The following FHIT variants were observed in gnomAD, a reference collection of about 807,000 sequenced individuals.
The protein encoded by FHIT is fragile histidine triad diadenosine triphosphatase.
Under a neutral mutation model 17.9 loss-of-function variants are expected in FHIT, and 19 were observed. That is an observed-to-expected ratio of 1.06 (90% CI 0.74 to 1.56). The LOEUF (loss-of-function observed/expected upper bound fraction) is 1.56, where lower values mean the gene tolerates loss of function less well. Among genes scored for constraint, FHIT ranks in the 40% most tolerant of loss-of-function variants. The pLI is 0.00. For missense variants in FHIT, 248 were observed against 189.2 expected, an observed-to-expected ratio of 1.31 and a Z score of -1.82; for synonymous variants, 81 against 69.7, an observed-to-expected ratio of 1.16 and a Z score of -0.81.
chr3:60,550,888 C>G (rs990200800), intron 4 of FHIT, among the ~76,000 whole-genome samples: 1 of 152,036 alleles, frequency 6.6e-6, no homozygotes, highest in Non-Finnish European at 1.5e-5. Context: ...ACAAGCCAGT[C>G]AACAAGGAAA....
rs750663023 is a variant in FHIT at position 60,011,440 on chromosome 3, G to A, written c.250-40C>T. ...AAACCAACAGAGGTGAGAATAGATA[G>A]ATGGTATCTCCTGCTTATTCAGAAA... On this transcript the variant is annotated intron_variant, in intron 6 of 9. Coordinates refer to ENST00000492590, the MANE Select transcript of FHIT (RefSeq NM_002012.4). 1.9e-6 allele frequency: 3 copies of A among 1,544,722 alleles called. No homozygotes were observed. The South Asian group carries it at 3.3e-5, about 17-fold the overall frequency.
At chr3:60,775,468 T>G (rs1700189700) in intron 4 of FHIT, among the ~76,000 whole-genome samples, 1 of 152,122 alleles carries the variant, frequency 6.6e-6, no homozygotes, top group East Asian at 1.9e-4. Flanking sequence ...TATCAGGGAC[T>G]CAAGCCTTGG....
At chr3:60,296,874 G>C (rs1316848073) in intron 5 of FHIT, among the ~76,000 whole-genome samples, 2 of 143,726 alleles carry the variant, frequency 1.4e-5, no homozygotes, top group Non-Finnish European at 3.0e-5. Flanking sequence ...TGTACAATTT[G>C]TTGAAAAGTC....
rs367652771 is a variant in FHIT at position 60,383,906 on chromosome 3, CA to C, written c.103+152953del. Among the ~76,000 whole-genome samples the C allele has an allele frequency of 8.6e-3, 1,303 of 152,172 alleles. 24 individuals are homozygous for C. Among genetic ancestry groups the C allele is most frequent in the African/African-American group, 0.03 (1,259 of 41,542 alleles). Reference sequence around the variant, plus strand: ...AAAAGACATATTAATTGCAAAAAAGCAAAAACATGACCATCTTTACAGTGCT... The same window carrying C: ...AAAAGACATATTAATTGCAAAAAAGCAAAACATGACCATCTTTACAGTGCT... On this transcript the variant is annotated intron_variant, in intron 5 of 9. Coordinates refer to ENST00000492590, the MANE Select transcript of FHIT (RefSeq NM_002012.4).
intron 5 of FHIT, among the ~76,000 whole-genome samples, chr3:60,502,821 G>C (rs2107526944): frequency 6.6e-6 from 1 of 152,234 alleles, no homozygotes; most frequent in African/African-American, 2.4e-5. Flanking sequence ...TATCAAAAAT[G>C]CTATTATAAA....
intron 8 of FHIT, among the ~76,000 whole-genome samples, chr3:59,810,692 A>G (rs1392501911): frequency 1.3e-5 from 2 of 152,058 alleles, no homozygotes; most frequent in African/African-American, 4.8e-5. Flanking sequence ...ATTTTATAAC[A>G]CCTCCTTTAT....
At chr3:60,602,478 T>C (rs776639878) in intron 4 of FHIT, among the ~76,000 whole-genome samples, 51 of 151,778 alleles carry the variant, frequency 3.4e-4, no homozygotes, top group Non-Finnish European at 4.6e-4. Context: ...GTGAAAAATC[T>C]CAGAGAATAT....
intron 7 of FHIT, among the ~76,000 whole-genome samples, chr3:59,928,204 G>A (rs1705770307): frequency 6.6e-6 from 1 of 152,192 alleles, no homozygotes; most frequent in Non-Finnish European, 1.5e-5. Context: ...GTGGTAAAAC[G>A]ATAATGGCCA....
chr3:61,220,945 C>T (rs2106823804), intron 1 of FHIT, among the ~76,000 whole-genome samples: 1 of 152,332 alleles, frequency 6.6e-6, no homozygotes, highest in East Asian at 1.9e-4. Flanking sequence ...TCAATGCTGT[C>T]ATATTTGCCA....
chr3:60,407,922 AG>A (rs1224009273), intron 5 of FHIT, among the ~76,000 whole-genome samples: 3 of 152,200 alleles, frequency 2.0e-5, no homozygotes, highest in Non-Finnish European at 4.4e-5. Context: ...TAAAATGAAG[AG>A]TATCACACAA....
rs1708014984 is a variant in FHIT at position 59,968,157 on chromosome 3, A to G, written c.279+43214T>C. Among the ~76,000 whole-genome samples, 2 of 152,222 alleles carry G rather than the reference A, an allele frequency of 1.3e-5. 1 individual carries two copies. The highest frequency in any genetic ancestry group is 4.1e-4 in the South Asian group (2 of 4,824). On this transcript the variant is annotated intron_variant, in intron 7 of 9. Transcript: ENST00000492590. ...TTTAGGGAGGCATTTTTAGTGTATA[A>G]TCAGGACTTTAGAAGGCAAACTTTC...
chr3:60,931,549 G>A (rs1553771803), intron 3 of FHIT, among the ~76,000 whole-genome samples: 1 of 152,114 alleles, frequency 6.6e-6, no homozygotes. Flanking sequence ...GTTAAGCAAA[G>A]GAAAATGAAG....
intron 3 of FHIT, among the ~76,000 whole-genome samples, chr3:60,997,939 G>A (rs2030794097): frequency 6.6e-6 from 1 of 152,088 alleles, no homozygotes. Flanking sequence ...TAGAAAATCA[G>A]AAATAACAGC....
chr3:60,353,554 A>G (rs1167696778), intron 5 of FHIT, among the ~76,000 whole-genome samples: 1 of 152,190 alleles, frequency 6.6e-6, no homozygotes, highest in Non-Finnish European at 1.5e-5. Context: ...CAATTTAGAC[A>G]ACAAATTAAG....
At chr3:59,796,466 C>G (rs568127369) in intron 8 of FHIT, among the ~76,000 whole-genome samples, 3 of 152,280 alleles carry the variant, frequency 2.0e-5, no homozygotes, top group African/African-American at 7.2e-5. Flanking sequence ...TGTCAGTCTT[C>G]AAAGAGGCCT....
At chr3:59,766,038 A>G (rs1216534700) in intron 8 of FHIT, among the ~76,000 whole-genome samples, 1 of 152,206 alleles carries the variant, frequency 6.6e-6, no homozygotes, top group Non-Finnish European at 1.5e-5. Context: ...AAAGTCACAA[A>G]GCAATGGTGA....
intron 3 of FHIT, among the ~76,000 whole-genome samples, chr3:60,924,322 T>A (rs1707459420): frequency 6.6e-6 from 1 of 152,178 alleles, no homozygotes; most frequent in African/African-American, 2.4e-5. Context: ...AGGGGCAGAC[T>A]GACACCTCAC....
At chr3:60,945,106 G>A (rs1484075716) in intron 3 of FHIT, among the ~76,000 whole-genome samples, 2 of 152,144 alleles carry the variant, frequency 1.3e-5, no homozygotes, top group African/African-American at 4.8e-5. Flanking sequence ...GCTACAGTAG[G>A]CAAGATGATC....
intron 5 of FHIT, among the ~76,000 whole-genome samples, chr3:60,259,659 T>C (rs1706194388): frequency 6.6e-6 from 1 of 152,036 alleles, no homozygotes; most frequent in Non-Finnish European, 1.5e-5. Flanking sequence ...CCACTTAACA[T>C]AAAAAGCAAC....
Sources: gnomAD v4.1 joint callset for allele counts (sites outside exome capture counted in the v4.1 genomes callset) on GRCh38, gnomAD v4.1.1 for gene constraint, MANE v1.5 for transcripts, NCBI Gene and HGNC (gene_info 2026-07-23, HGNC 2026-07-21) for gene names.